Variants in HGD observed in about 807,000 individuals in gnomAD.
HGD encodes homogentisate 1,2-dioxygenase.
Under a neutral mutation model 60.8 loss-of-function variants are expected in HGD, and 61 were observed. That is an observed-to-expected ratio of 1.00 (90% confidence interval 0.82 to 1.24). The LOEUF (loss-of-function observed/expected upper bound fraction) is 1.24. HGD is among the 50% of genes most tolerant of loss of function. The pLI, the probability that HGD is intolerant of heterozygous loss-of-function variation, is 0.00. For synonymous variants in HGD, 212 were observed against 187.7 expected (o/e 1.13, Z -1.06); for missense variants, 542 against 547.1 (o/e 0.99, Z 0.09).
chr3:120,655,101 C>T (rs1941455617), intron 4 of HGD, among the ~76,000 whole-genome samples: 1 of 151,736 alleles, frequency 6.6e-6, no homozygotes, highest in African/African-American at 2.4e-5. Context: ...ACAACAACAA[C>T]AAAACAAACA....
chr3:120,631,524 AT>A (rs1465578214), intron 13 of HGD, among the ~76,000 whole-genome samples: 1 of 152,184 alleles, frequency 6.6e-6, no homozygotes, highest in African/African-American at 2.4e-5. Flanking sequence ...AGTAATAAAG[AT>A]TTTTAAAAAG....
intron 7 of HGD, among the ~76,000 whole-genome samples, chr3:120,647,394 A>G (rs1941198994): frequency 6.6e-6 from 1 of 152,208 alleles, no homozygotes; most frequent in Admixed American, 6.5e-5. Flanking sequence ...TGTGACATAT[A>G]CACGAAAATG....
At position 120,674,956 on chromosome 3, in the gene HGD, C is replaced by A; in HGVS notation, c.121G>T (p.Ala41Ser). 1 of 1,611,986 alleles carries A rather than the reference C, an allele frequency of 6.2e-7. No homozygotes were observed. Among genetic ancestry groups the A allele is most frequent in the East Asian group, 2.2e-5 (1 of 44,850 alleles). The stretch of plus-strand genomic sequence containing the variant: ...AAAGCCGATCCTGAGAGCTGCTCAG[C>A]ATAGAGATTGTAGGGGCAGACCTGA... ...NPQVCPYNLY[A>S]EQLSGSAFTC... Residue 41 changes from alanine (A) to serine (S), a missense_variant, in exon 3 of 14, where the codon GCT becomes TCT. Physicochemically the swap from Ala to Ser is moderately conservative, Grantham distance 99. This residue lies in a region of HGD where 537 missense variants were observed against 529.1 expected (regional missense o/e 1.01). Coordinates refer to ENST00000283871, the MANE Select transcript of HGD (RefSeq NM_000187.4).
intron 4 of HGD, among the ~76,000 whole-genome samples, chr3:120,664,529 G>A (rs1184185100): frequency 1.3e-5 from 2 of 150,170 alleles, no homozygotes; most frequent in Non-Finnish European, 3.0e-5. Context: ...CCAGGCTCGA[G>A]CAGTCTTCCC....
chr3:120,649,139 C>CTTTTTTTTTTTTTTTTTTTTTTTTT (rs10572267), intron 6 of HGD, among the ~76,000 whole-genome samples: 1 of 94,424 alleles, frequency 1.1e-5, no homozygotes. Flanking sequence ...TCTTCTTTTT[C>CTTTTTTTTTTTTTTTTTTTTTTTTT]TTTTTTTTTT....
At position 120,628,332 on chromosome 3, in the gene HGD, A is replaced by G. The variant is rs1398362675; in HGVS notation, c.*48T>C. 1 of 1,593,682 alleles carries G rather than the reference A, an allele frequency of 6.3e-7. No individual in the cohort carries two copies. Among genetic ancestry groups the G allele is most frequent in the Non-Finnish European group, 8.6e-7 (1 of 1,162,022 alleles). ...ACTACCAGAAAGCATGAGATTCTGA[A>G]GAAATCTTCACAAATCTACTCTTAA... On this transcript the variant is annotated 3_prime_UTR_variant, in exon 14 of 14. Coordinates refer to ENST00000283871, the MANE Select transcript of HGD (RefSeq NM_000187.4).
intron 11 of HGD, among the ~76,000 whole-genome samples, chr3:120,640,354 G>A (rs1044762630): frequency 2.6e-5 from 4 of 151,822 alleles, no homozygotes; most frequent in Non-Finnish European, 5.9e-5. Context: ...GAGGAGAGAA[G>A]GCTAAAACCC....
intron 10 of HGD, among the ~76,000 whole-genome samples, chr3:120,642,342 G>A (rs139735946): frequency 6.6e-6 from 1 of 152,318 alleles, no homozygotes; most frequent in African/African-American, 2.4e-5. Context: ...CGTGGTTAGG[G>A]TTAACTGGAA....
At position 120,675,830 on chromosome 3, in the gene HGD, C is replaced by G; in HGVS notation, c.49G>C (p.Glu17Gln). The change falls in exon 2 of 14, where the codon GAG becomes CAG. Residue 17 changes from glutamate (E) to glutamine (Q), a missense_variant. Physicochemically the swap from Glu to Gln is conservative, Grantham distance 29. Coordinates refer to ENST00000283871, the MANE Select transcript of HGD (RefSeq NM_000187.4). ...AGGGAACCTGGGCAGCGAGGATCCT[C>G]TGAAGAACACTCATTCCCAAATCCA... is the stretch of plus-strand genomic sequence containing the variant. Reference protein sequence around the residue: ...ISGFGNECSSEDPRCPGSLPE... With the variant: ...ISGFGNECSSQDPRCPGSLPE... 2.5e-6 allele frequency: 4 copies of G among 1,613,666 alleles called. No homozygotes were observed. Among genetic ancestry groups the G allele is most frequent in the Non-Finnish European group, 3.4e-6 (4 of 1,179,642 alleles).
chr3:120,657,229 C>T (rs1270116456), intron 4 of HGD, among the ~76,000 whole-genome samples: 1 of 152,138 alleles, frequency 6.6e-6, no homozygotes, highest in East Asian at 1.9e-4. Flanking sequence ...AATTTGAAAG[C>T]ATCTTTAAGG....
intron 4 of HGD, among the ~76,000 whole-genome samples, chr3:120,657,001 C>A (rs1941519142): frequency 6.6e-6 from 1 of 152,188 alleles, no homozygotes; most frequent in Non-Finnish European, 1.5e-5. Context: ...TTTTTCCAAT[C>A]CTGCTCCTTC....
rs1941101238 is a variant in HGD at position 120,644,584 on chromosome 3, T to TTC, written c.650-143_650-142dup. 3 of 1,546,116 alleles carry TTC rather than the reference T, an allele frequency of 1.9e-6. No homozygotes were observed. In the East Asian group the frequency reaches 7.2e-5, roughly 37 times the overall value. On this transcript the variant is annotated intron_variant, in intron 9 of 13. Coordinates refer to ENST00000283871, the MANE Select transcript of HGD (RefSeq NM_000187.4). ...TTCATTGCTCAAAGATTCACTGCATTTCCAGTCTGGTACCTTTTAGGAAGA... is the reference window on the plus strand; with the variant it reads ...TTCATTGCTCAAAGATTCACTGCATTTCTCCAGTCTGGTACCTTTTAGGAAGA...
intron 13 of HGD, among the ~76,000 whole-genome samples, chr3:120,630,594 C>T (rs113835432): frequency 0.094 from 14,322 of 151,676 alleles, 835 homozygotes; most frequent in East Asian, 0.2. Flanking sequence ...TAAACTGGAC[C>T]GCTTCCATAC....
intron 4 of HGD, among the ~76,000 whole-genome samples, chr3:120,661,289 A>G (rs977300025): frequency 1.3e-5 from 2 of 152,132 alleles, no homozygotes; most frequent in African/African-American, 4.8e-5. Flanking sequence ...CTGTTCCTCC[A>G]GTGCTGAATC....
intron 1 of HGD, among the ~76,000 whole-genome samples, chr3:120,678,648 G>C (rs542676738): frequency 6.6e-6 from 1 of 152,314 alleles, no homozygotes; most frequent in Non-Finnish European, 1.5e-5. Context: ...AGCACCAAGA[G>C]GTGTGAGTTC....
intron 4 of HGD, among the ~76,000 whole-genome samples, chr3:120,667,238 ATCATC>A (rs1409612192): frequency 1.4e-5 from 2 of 147,916 alleles, no homozygotes; most frequent in Admixed American, 1.4e-4. Context: ...AGGTAGGAGG[ATCATC>A]TGAGCCTGGG....
At chr3:120,674,596 CA>C (rs1445158429) in intron 3 of HGD, 1 of 335,750 alleles carries the variant, frequency 3.0e-6, no homozygotes, top group African/African-American at 2.1e-5. Context: ...CTCAACAGGA[CA>C]GTCTTTAGAA....
intron 6 of HGD, among the ~76,000 whole-genome samples, chr3:120,648,564 A>G (rs1276275306): frequency 1.3e-5 from 2 of 152,264 alleles, no homozygotes; most frequent in African/African-American, 2.4e-5. Flanking sequence ...TGCCATTTGC[A>G]TACTTTGTTT....
chr3:120,635,217 C>G (rs1940721887), intron 12 of HGD, among the ~76,000 whole-genome samples: 1 of 152,186 alleles, frequency 6.6e-6, no homozygotes, highest in Non-Finnish European at 1.5e-5. Flanking sequence ...GTGGCTCACG[C>G]CTGTAATCCC....
Sources: allele counts gnomAD v4.1 joint callset (sites outside exome capture counted in the v4.1 genomes callset), GRCh38; gene constraint gnomAD v4.1.1; regional missense constraint gnomAD v4.1.1; transcripts MANE v1.5; gene names NCBI Gene and HGNC (gene_info 2026-07-23, HGNC 2026-07-21).